MLYCD: variants seen among roughly 807,000 people sequenced by gnomAD.
The protein encoded by MLYCD is malonyl-CoA decarboxylase.
In MLYCD, 27 loss-of-function variants were observed where a neutral mutation model predicts 35.8. That is an observed-to-expected ratio of 0.75 (90% CI 0.56 to 1.04). MLYCD has a LOEUF of 1.04. Ranked by LOEUF, MLYCD falls within the 50% of genes least tolerant of loss-of-function variation. The probability of loss-of-function intolerance (pLI) is 0.00; values close to 1 mark genes in which losing one functional copy is unlikely to be tolerated. For missense variants in MLYCD, 917 were observed against 665.1 expected (o/e 1.38, Z -4.17); for synonymous variants, 403 against 302.4 (o/e 1.33, Z -3.45).
rs200783818 is a variant in MLYCD, at chr16:83,907,009, G to A, written c.551G>A (p.Gly184Glu). The A allele has an allele frequency of 1.9e-5, 31 of 1,614,008 alleles. No individual in the cohort carries two copies. The highest frequency in any genetic ancestry group is 8.5e-6 in the Non-Finnish European group (10 of 1,180,006). The change falls in exon 2 of 5, where the codon GGA becomes GAA. Residue 184 changes from glycine to glutamate, a missense_variant. Transcript: ENST00000262430. The stretch of plus-strand genomic sequence containing the variant: ...CAGGAAATGAATGGGGTGCTGAAAG[G>A]AATGCTCTCAGAATGGTTTTCCTCC... ...DVREMNGVLK[G>E]MLSEWFSSGF...
chr16:83,909,596 C>G (rs1046005460), intron 3 of MLYCD, among the ~76,000 whole-genome samples: 1 of 149,710 alleles, frequency 6.7e-6, no homozygotes, highest in Non-Finnish European at 1.5e-5. Flanking sequence ...CCTGAGCACC[C>G]TGTGATTTAG....
chr16:83,904,404 G>A (rs1309366275), intron 1 of MLYCD, among the ~76,000 whole-genome samples: 2 of 152,170 alleles, frequency 1.3e-5, no homozygotes, highest in Non-Finnish European at 2.9e-5. Context: ...ACGTAAGAGT[G>A]TGAGAGGATC....
At chr16:83,908,774 C>T (rs1907070899) in intron 3 of MLYCD, among the ~76,000 whole-genome samples, 1 of 152,178 alleles carries the variant, frequency 6.6e-6, no homozygotes. Flanking sequence ...CCGTCTGTGG[C>T]AAGCTGCTCT....
Position 83,915,240 on chromosome 16 carries a change from C to G in MLYCD, c.1233C>G (p.His411Gln). The G allele has an allele frequency of 6.2e-7, 1 of 1,613,268 alleles. No individual in the cohort carries two copies. The highest frequency in any genetic ancestry group is 8.5e-7 in the Non-Finnish European group (1 of 1,179,278). Residue 411 changes from histidine (H) to glutamine (Q), a missense_variant, in exon 5 of 5, where the codon CAC becomes CAG. Physicochemically the swap from His to Gln is conservative, Grantham distance 24. Coordinates refer to ENST00000262430, the MANE Select transcript of MLYCD (RefSeq NM_012213.3). ...LCAWYLYGEKHRGYALNPVAN... is the reference protein window; with the variant it reads ...LCAWYLYGEKQRGYALNPVAN... Reference sequence around the variant, plus strand: ...CCTGGTACCTGTATGGAGAGAAGCACCGCGGCTACGCGCTGAACCCCGTGG... The same window carrying G: ...CCTGGTACCTGTATGGAGAGAAGCAGCGCGGCTACGCGCTGAACCCCGTGG...
In MLYCD at chr16:83,915,816, G is replaced by T; in HGVS notation, c.*327G>T. Reference sequence around the variant, plus strand: ...ACCTACATCTTCAGGAAGCTGTGCAGCCTCTGCCATTGCCATCCCAGGGGG... The same window carrying T: ...ACCTACATCTTCAGGAAGCTGTGCATCCTCTGCCATTGCCATCCCAGGGGG... On this transcript the variant is annotated 3_prime_UTR_variant, in exon 5 of 5. Transcript: ENST00000262430. 1 of 1,252,612 alleles carries T rather than the reference G, an allele frequency of 8.0e-7. No homozygotes were observed. The highest frequency in any genetic ancestry group is 1.6e-5 in the South Asian group (1 of 61,396). 77.6% of individuals were successfully genotyped at this position (1,252,612 alleles called of 1,614,324 possible). A position where few individuals can be genotyped will look rare whatever the true frequency, so the allele number is the denominator to read the frequency against.
chr16:83,915,283 A>C lies in MLYCD; in HGVS notation c.1276A>C (p.Asn426His). 1 of 1,612,870 alleles carries C rather than the reference A, an allele frequency of 6.2e-7. No homozygotes were observed. Among genetic ancestry groups the C allele is most frequent in the Non-Finnish European group, 8.5e-7 (1 of 1,178,950 alleles). ...LNPVANFHLQ[N>H]GAVLWRINWM... The stretch of plus-strand genomic sequence containing the variant: ...CCCCGTGGCCAACTTCCACCTGCAG[A>C]ACGGGGCGGTGCTGTGGCGCATCAA... Residue 426 changes from asparagine (N) to histidine (H), a missense_variant, in exon 5 of 5, where the codon AAC becomes CAC. Asn to His is a moderately conservative substitution (Grantham distance 68). Transcript: ENST00000262430.
In MLYCD at chr16:83,899,624, C is replaced by T. The variant is rs756626510; in HGVS notation, c.480C>T (p.Asp160=). 7.0e-6 allele frequency: 11 copies of T among 1,567,864 alleles called. No individual in the cohort carries two copies. Among genetic ancestry groups the T allele is most frequent in the East Asian group, 4.7e-5 (2 of 42,622 alleles). ...GCTTCCTGGTGCAGCTGCGGGCCGA[C>T]CTGCTGGAGGCGCAGGCCCTCAAGC... is the stretch of plus-strand genomic sequence containing the variant. The part of the protein sequence containing the change: ...GVRFLVQLRA[D]LLEAQALKLV... Residue 160 remains aspartate (D), a synonymous_variant, in exon 1 of 5, where the codon GAC becomes GAT. Coordinates refer to ENST00000262430, the MANE Select transcript of MLYCD (RefSeq NM_012213.3).
chr16:83,901,869 A>G (rs1906798732), intron 1 of MLYCD, among the ~76,000 whole-genome samples: 1 of 152,186 alleles, frequency 6.6e-6, no homozygotes, highest in Non-Finnish European at 1.5e-5. Flanking sequence ...TGCTAGGCCA[A>G]AAGTCCTGTG....
intron 1 of MLYCD, among the ~76,000 whole-genome samples, chr16:83,906,149 G>A (rs1023963619): frequency 7.2e-5 from 11 of 152,134 alleles, no homozygotes; most frequent in African/African-American, 2.7e-4. Context: ...CACTTTGAGA[G>A]GCCGAGGCAG....
In MLYCD at chr16:83,899,371, G is replaced by A. The variant is rs1188385384; in HGVS notation, c.227G>A (p.Gly76Asp). 2 of 1,528,192 alleles carry A rather than the reference G, an allele frequency of 1.3e-6. No individual in the cohort carries two copies. The highest frequency in any genetic ancestry group is 1.4e-5 in the African/African-American group (1 of 70,178). 94.7% of individuals were successfully genotyped at this position (1,528,192 alleles called of 1,614,324 possible). ...GQCADFVSFY[G>D]GLAETAQRAE... is the part of the protein sequence containing the mutation. ...TGCGCGGACTTCGTGAGCTTCTACG[G>A]TGGGCTGGCCGAGACGGCCCAGCGG... Residue 76 changes from glycine (G) to aspartate (D), a missense_variant, in exon 1 of 5, where the codon GGT (glycine) becomes GAT (aspartate). Transcript: ENST00000262430.
At position 83,917,396 on chromosome 16, in the gene MLYCD, C is replaced by T. The variant is rs1184076634; in HGVS notation, c.*1907C>T. The T allele has an allele frequency of 1.3e-5, 2 of 154,432 alleles. No homozygotes were observed. Among genetic ancestry groups the T allele is most frequent in the African/African-American group, 4.8e-5 (2 of 41,480 alleles). 9.6% of individuals were successfully genotyped at this position (154,432 alleles called of 1,614,324 possible). ...ATGTGCACACGTGCATGTGCATGTGCTTACACGTCTTTGTGTGTCTGTGTG... is the reference window on the plus strand; with the variant it reads ...ATGTGCACACGTGCATGTGCATGTGTTTACACGTCTTTGTGTGTCTGTGTG... On this transcript the variant is annotated 3_prime_UTR_variant, in exon 5 of 5. Coordinates refer to ENST00000262430, the MANE Select transcript of MLYCD (RefSeq NM_012213.3).
Position 83,926,554 on chromosome 16 carries a change from ACAGCGTTC to A in MLYCD, c.*11067_*11074del, listed in dbSNP as rs1907814135. The A allele has an allele frequency of 6.6e-6, 1 of 152,262 alleles. No homozygotes were observed. Among genetic ancestry groups the A allele is most frequent in the Non-Finnish European group, 1.5e-5 (1 of 68,082 alleles). 9.4% of individuals were successfully genotyped at this position (152,262 alleles called of 1,614,324 possible). A position where few individuals can be genotyped will look rare whatever the true frequency, so the allele number is the denominator to read the frequency against. On this transcript the variant is annotated 3_prime_UTR_variant, in exon 5 of 5. Coordinates refer to ENST00000262430, the MANE Select transcript of MLYCD (RefSeq NM_012213.3). ...CCCACTTCCACCTCTCGCAGGCTAGACAGCGTTCCCCAAGTCCCCCCTTGAGCTGGGTG... is the reference window on the plus strand; with the variant it reads ...CCCACTTCCACCTCTCGCAGGCTAGACCCAAGTCCCCCCTTGAGCTGGGTG...
rs571134140 is a variant in MLYCD at position 83,924,760 on chromosome 16, C to T, written c.*9271C>T. On this transcript the variant is annotated 3_prime_UTR_variant, in exon 5 of 5. Coordinates refer to ENST00000262430, the MANE Select transcript of MLYCD (RefSeq NM_012213.3). ...CAGTGTGGCTCACGATGCCACCTCT[C>T]CTTGCCAGCTCTCACCGAGGCCCCC... The T allele has an allele frequency of 6.6e-6, 1 of 152,326 alleles. No homozygotes were observed. Among genetic ancestry groups the T allele is most frequent in the Non-Finnish European group, 1.5e-5 (1 of 68,044 alleles). The allele number at this position is 152,326 out of a possible 1,614,324, so 9.4% of individuals were successfully genotyped here.
At position 83,919,653 on chromosome 16, in the gene MLYCD, G is replaced by A. The variant is rs1336129505; in HGVS notation, c.*4164G>A. On this transcript the variant is annotated 3_prime_UTR_variant, in exon 5 of 5. Transcript: ENST00000262430. The stretch of plus-strand genomic sequence containing the variant: ...GGAGAACACACGATGCACGGAACAC[G>A]GTGATCAGAACACGGTTCACAGGAG... 1 of 131,618 alleles carries A rather than the reference G, an allele frequency of 7.6e-6. No individual in the cohort carries two copies. The highest frequency in any genetic ancestry group is 3.0e-5 in the African/African-American group (1 of 33,204). The allele number at this position is 131,618 out of a possible 1,614,324, so 8.2% of individuals were successfully genotyped here.
rs181318775 is a variant in MLYCD, at chr16:83,922,579, A to G, written c.*7090A>G. The G allele has an allele frequency of 4.7e-3, 719 of 152,414 alleles. 4 individuals are homozygous for G. The highest frequency in any genetic ancestry group is 8.2e-3 in the Non-Finnish European group (561 of 68,160). The allele number at this position is 152,414 out of a possible 1,614,324, so 9.4% of individuals were successfully genotyped here. ...CTGGGTGGCCCAGGGCAAGCCACCT[A>G]CCCTTGCTTTGCCTCAGTTTCCTCA... is the stretch of plus-strand genomic sequence containing the variant. On this transcript the variant is annotated 3_prime_UTR_variant, in exon 5 of 5. Coordinates refer to ENST00000262430, the MANE Select transcript of MLYCD (RefSeq NM_012213.3).
intron 1 of MLYCD, among the ~76,000 whole-genome samples, chr16:83,901,439 A>G (rs1162878990): frequency 6.6e-6 from 1 of 152,180 alleles, no homozygotes; most frequent in Non-Finnish European, 1.5e-5. Context: ...ATCATTCAGC[A>G]TTTGTGTGGA....
intron 4 of MLYCD, 116 bp downstream of exon 4, chr16:83,912,483 G>C: frequency 7.1e-7 from 1 of 1,414,546 alleles, no homozygotes; most frequent in South Asian, 1.2e-5. Context: ...GCTAAAGGGA[G>C]GGGCAGGGGG....
chr16:83,911,906 G>T (rs1013727605), intron 3 of MLYCD: 2 of 387,374 alleles, frequency 5.2e-6, no homozygotes, highest in East Asian at 1.2e-4. Flanking sequence ...TATGGAGCAA[G>T]TTTTTGTTTG....
intron 1 of MLYCD, among the ~76,000 whole-genome samples, chr16:83,904,373 G>T (rs1906904534): frequency 6.6e-6 from 1 of 152,108 alleles, no homozygotes; most frequent in African/African-American, 2.4e-5. Flanking sequence ...TGTTTTGGGG[G>T]CAGGGCCTAT....
Sources: allele counts gnomAD v4.1 joint callset (sites outside exome capture counted in the v4.1 genomes callset), GRCh38; gene constraint gnomAD v4.1.1; transcripts MANE v1.5; gene names NCBI Gene and HGNC (gene_info 2026-07-23, HGNC 2026-07-21).